Variants in CDKAL1 observed in about 807,000 individuals in gnomAD.
CDKAL1 encodes threonylcarbamoyladenosine tRNA methylthiotransferase.
CDKAL1 carries 32 observed loss-of-function variants against 68.2 expected under a neutral mutation model. The observed-to-expected ratio is 0.47, with a 90% CI of 0.35 to 0.63. The LOEUF is 0.63. Among genes scored for constraint, CDKAL1 ranks in the 30% least tolerant of loss-of-function variants. The pLI is 0.00. For missense variants in CDKAL1, 606 were observed against 696.7 expected (o/e 0.87, Z 1.47); for synonymous variants, 234 against 244.3 (o/e 0.96, Z 0.39).
Position 20,539,082 on chromosome 6 carries a change from G to C in CDKAL1, c.-6+3688G>C, listed in dbSNP as rs1036866272. On this transcript the variant is annotated intron_variant, in intron 2 of 15. Transcript: ENST00000274695. The surrounding 1 kb of genome is among the most constrained non-coding windows in gnomAD (Gnocchi z 4.3). ...AGTGTGGGCATGCTTGGGCAGCGTG[G>C]TTATTTTAGATAAGGTAGTAGGAAA... 2.0e-5 allele frequency among the ~76,000 whole-genome samples: 3 copies of C among 152,176 alleles called. No individual in the cohort carries two copies. Among genetic ancestry groups the C allele is most frequent in the Admixed American group, 6.6e-5 (1 of 15,264 alleles).
intron 13 of CDKAL1, among the ~76,000 whole-genome samples, chr6:21,181,040 C>T (rs551371213): frequency 6.6e-6 from 1 of 152,136 alleles, no homozygotes; most frequent in Non-Finnish European, 1.5e-5. Context: ...GTGAAGAGCA[C>T]AGGAGACAGA....
chr6:20,724,695 C>T (rs565765982), intron 5 of CDKAL1, among the ~76,000 whole-genome samples: 5 of 152,238 alleles, frequency 3.3e-5, no homozygotes, highest in Middle Eastern at 3.4e-3. Context: ...TGAGACCCTG[C>T]CTCAAACAAA....
intron 6 of CDKAL1, among the ~76,000 whole-genome samples, chr6:20,755,778 T>C (rs936275441): frequency 6.6e-6 from 1 of 152,248 alleles, no homozygotes; most frequent in Non-Finnish European, 1.5e-5. Context: ...GAGTTATTGT[T>C]ATAAATTCAT....
chr6:20,814,205 T>C (rs1003313654), intron 8 of CDKAL1, among the ~76,000 whole-genome samples: 3 of 152,116 alleles, frequency 2.0e-5, no homozygotes, highest in Non-Finnish European at 4.4e-5. Flanking sequence ...TTTTAAGAAG[T>C]TTTAGTTTCC....
At chr6:20,691,162 G>A (rs556491575) in intron 5 of CDKAL1, among the ~76,000 whole-genome samples, 17 of 152,198 alleles carry the variant, frequency 1.1e-4, no homozygotes, top group African/African-American at 2.9e-4. Flanking sequence ...ATTTGTAAAC[G>A]GCCATTCATT....
Position 20,546,471 on chromosome 6 carries a change from C to T in CDKAL1, c.121C>T (p.Arg41Ter), listed in dbSNP as rs779801039. ...RKDVVPKVRR[R>*]NTQKYLQEEE... ...GGATGTTGTCCCGAAGGTACGAAGG[C>T]GAAATACCCAAAAATATTTGCAAGA... The change falls in exon 3 of 16, where the codon CGA (arginine) becomes TGA (stop). Residue 41 changes from arginine (R) to a stop codon, truncating the protein, a stop_gained. Coordinates refer to ENST00000274695, the MANE Select transcript of CDKAL1 (RefSeq NM_017774.3). LOFTEE classifies it high-confidence loss of function. 6.2e-6 allele frequency: 10 copies of T among 1,613,884 alleles called. No homozygotes were observed. Among genetic ancestry groups the T allele is most frequent in the Non-Finnish European group, 8.5e-6 (10 of 1,179,980 alleles).
chr6:21,131,868 G>GACC (rs988039076), intron 13 of CDKAL1, among the ~76,000 whole-genome samples: 1 of 151,994 alleles, frequency 6.6e-6, no homozygotes, highest in African/African-American at 2.4e-5. Flanking sequence ...ATTCCAAAGA[G>GACC]ACCACTTTGT....
intron 4 of CDKAL1, among the ~76,000 whole-genome samples, chr6:20,557,791 G>T (rs1232818454): frequency 6.6e-6 from 1 of 152,122 alleles, no homozygotes; most frequent in Non-Finnish European, 1.5e-5. Context: ...GCCCAGCGTG[G>T]TGGTGCATGC....
chr6:20,610,760 C>A (rs1766584548), intron 4 of CDKAL1, among the ~76,000 whole-genome samples: 1 of 152,200 alleles, frequency 6.6e-6, no homozygotes, highest in Non-Finnish European at 1.5e-5. Flanking sequence ...AGGCTAGAAT[C>A]TAATTCTTGA....
chr6:21,046,083 T>C (rs1770211830), intron 11 of CDKAL1, among the ~76,000 whole-genome samples: 1 of 152,214 alleles, frequency 6.6e-6, no homozygotes, highest in African/African-American at 2.4e-5. Context: ...GTCTGTAAAC[T>C]GAGGAAAATA....
intron 5 of CDKAL1, among the ~76,000 whole-genome samples, chr6:20,711,505 A>T (rs1361755252): frequency 6.6e-6 from 1 of 152,222 alleles, no homozygotes; most frequent in African/African-American, 2.4e-5. Flanking sequence ...GATAATATGG[A>T]TGCTGGAGTC....
At chr6:21,020,317 C>A (rs544795526) in intron 11 of CDKAL1, among the ~76,000 whole-genome samples, 15 of 152,224 alleles carry the variant, frequency 9.9e-5, no homozygotes, top group African/African-American at 3.4e-4. Flanking sequence ...GGCTTGTTCA[C>A]TCACAATGTT....
chr6:20,901,952 T>A (rs1243760002), intron 9 of CDKAL1, among the ~76,000 whole-genome samples: 5 of 151,840 alleles, frequency 3.3e-5, no homozygotes, highest in African/African-American at 1.2e-4. Context: ...AATTTTGTAT[T>A]TTTAGTAGAG....
Position 21,109,498 on chromosome 6 carries a change from A to G in CDKAL1, c.1299+1035A>G, listed in dbSNP as rs1245909417. Among the ~76,000 whole-genome samples the G allele has an allele frequency of 3.9e-5, 6 of 152,296 alleles. No homozygotes were observed. The East Asian group carries it at 9.7e-4, about 25-fold the overall frequency. On this transcript the variant is annotated intron_variant, in intron 13 of 15. Transcript: ENST00000274695. ...GCTTCTAGTGTTTCTATAGTGACCAATTGACTTAAGCACCAAAAACTCGTA... is the reference window on the plus strand; with the variant it reads ...GCTTCTAGTGTTTCTATAGTGACCAGTTGACTTAAGCACCAAAAACTCGTA...
intron 13 of CDKAL1, among the ~76,000 whole-genome samples, chr6:21,172,331 C>T (rs988947979): frequency 8.5e-5 from 13 of 152,162 alleles, no homozygotes; most frequent in Non-Finnish European, 1.6e-4. Context: ...TTCCACGCCC[C>T]GTGGTCAGGG....
intron 5 of CDKAL1, among the ~76,000 whole-genome samples, chr6:20,664,663 G>A (rs1769442720): frequency 6.6e-6 from 1 of 152,122 alleles, no homozygotes; most frequent in Admixed American, 6.6e-5. Context: ...AGGATTTGAT[G>A]TCATTGATCA....
chr6:21,130,313 C>T (rs1273536536), intron 13 of CDKAL1, among the ~76,000 whole-genome samples: 3 of 151,136 alleles, frequency 2.0e-5, no homozygotes, highest in African/African-American at 4.9e-5. Flanking sequence ...CAACCTCTGC[C>T]TCCTGGATTC....
chr6:20,880,168 C>T (rs977969263), intron 9 of CDKAL1, among the ~76,000 whole-genome samples: 5 of 152,184 alleles, frequency 3.3e-5, no homozygotes, highest in South Asian at 2.1e-4. Flanking sequence ...CTACAGGCTT[C>T]GGAATGCTTA....
chr6:20,568,958 A>C (rs1764591234), intron 4 of CDKAL1, among the ~76,000 whole-genome samples: 1 of 152,122 alleles, frequency 6.6e-6, no homozygotes, highest in African/African-American at 2.4e-5. Flanking sequence ...ACTGATCTTG[A>C]GTACAGAGAT....
Sources: allele counts gnomAD v4.1 joint callset (sites outside exome capture counted in the v4.1 genomes callset), GRCh38; gene constraint gnomAD v4.1.1; non-coding constraint Gnocchi (gnomAD v3.1); transcripts MANE v1.5; gene names NCBI Gene and HGNC (gene_info 2026-07-23, HGNC 2026-07-21).